The following IL27RA variants were observed in gnomAD, a reference collection of about 807,000 sequenced individuals.
IL27RA encodes the protein interleukin-27 receptor subunit alpha.
In IL27RA, 61 loss-of-function variants were observed where a neutral mutation model predicts 80.8. The observed-to-expected ratio is 0.76, with a 90% CI of 0.61 to 0.93. The LOEUF is 0.93. IL27RA is among the 40% of genes least tolerant of loss of function. The pLI is 0.00. For missense variants in IL27RA, 735 were observed against 808.1 expected (o/e 0.91, Z 1.10); for synonymous variants, 316 against 332.5 (o/e 0.95, Z 0.54).
Position 14,039,866 on chromosome 19 carries a change from T to G in IL27RA, c.490T>G (p.Cys164Gly). Reference protein sequence around the residue: ...PTWPSHKVLICQFHYRRCQEA... With the variant: ...PTWPSHKVLIGQFHYRRCQEA... ...ATGGCCATCTCATAAAGTTCTGATC[T>G]GCCAGTTCCACTACCGAAGATGTCA... is the stretch of plus-strand genomic sequence containing the variant. Residue 164 changes from cysteine to glycine, a missense_variant, in exon 4 of 14, where the codon TGC becomes GGC. Transcript: ENST00000263379. 1 of 1,614,152 alleles carries G rather than the reference T, an allele frequency of 6.2e-7. No individual in the cohort carries two copies. The highest frequency in any genetic ancestry group is 8.5e-7 in the Non-Finnish European group (1 of 1,180,032).
In IL27RA at chr19:14,031,788, C is replaced by A; in HGVS notation, c.-85C>A. The A allele has an allele frequency of 8.6e-7, 1 of 1,162,846 alleles. No homozygotes were observed. 72.0% of individuals were successfully genotyped at this position (1,162,846 alleles called of 1,614,324 possible). On this transcript the variant is annotated 5_prime_UTR_variant, in exon 1 of 14. Coordinates refer to ENST00000263379, the MANE Select transcript of IL27RA (RefSeq NM_004843.4). ...TTCGGCTTCCCGTTGCCGCCTCGGG[C>A]GCTGTACCCAGAGCTCGAAGAGGAG...
chr19:14,032,367 C>A lies in IL27RA; in HGVS notation c.101-19C>A. 1.9e-6 allele frequency: 3 copies of A among 1,596,896 alleles called. No individual in the cohort carries two copies. Among genetic ancestry groups the A allele is most frequent in the Non-Finnish European group, 2.6e-6 (3 of 1,166,174 alleles). On this transcript the variant is annotated intron_variant, in intron 1 of 13. Coordinates refer to ENST00000263379, the MANE Select transcript of IL27RA (RefSeq NM_004843.4). The stretch of plus-strand genomic sequence containing the variant: ...GGGATTCGACCCCCTTTCCTGAGAC[C>A]CTCTGACTCCCTCTCCAGGCAGCGC...
Position 14,049,288 on chromosome 19 carries a change from G to A in IL27RA, c.1376G>A (p.Gly459Glu), listed in dbSNP as rs1480962396. The A allele has an allele frequency of 1.2e-6, 2 of 1,613,836 alleles. No homozygotes were observed. Among genetic ancestry groups the A allele is most frequent in the Non-Finnish European group, 1.7e-6 (2 of 1,179,974 alleles). The change falls in exon 10 of 14, where the codon GGA (glycine) becomes GAA (glutamate). Residue 459 changes from glycine to glutamate, a missense_variant. Coordinates refer to ENST00000263379, the MANE Select transcript of IL27RA (RefSeq NM_004843.4). ...LTHYTLCAQSGTSPSVCMNVS... is the reference protein window; with the variant it reads ...LTHYTLCAQSETSPSVCMNVS... ...CACTACACCTTGTGTGCACAGAGTG[G>A]AACCAGCCCCTCCGTCTGCATGAAT... is the stretch of plus-strand genomic sequence containing the variant.
At chr19:14,036,212 C>G (rs1334006184) in intron 2 of IL27RA, among the ~76,000 whole-genome samples, 1 of 151,870 alleles carries the variant, frequency 6.6e-6, no homozygotes, top group African/African-American at 2.4e-5. Context: ...CTAGGGTAGT[C>G]TCAAACTCCT....
At chr19:14,042,892 A>G (rs928012599) in intron 6 of IL27RA, 103 bp downstream of exon 6, 10 of 1,063,110 alleles carry the variant, frequency 9.4e-6, no homozygotes, top group Non-Finnish European at 1.3e-5. Context: ...TAATCCCAAC[A>G]CTGCTGTGGG....
intron 11 of IL27RA, 38 bp downstream of exon 11, chr19:14,050,921 T>C (rs1222754236): frequency 4.4e-6 from 7 of 1,584,594 alleles, no homozygotes; most frequent in Admixed American, 1.7e-5. Flanking sequence ...AGGGAGGGGA[T>C]GTACTCCACA....
At chr19:14,034,795 A>G (rs1030770873) in intron 2 of IL27RA, among the ~76,000 whole-genome samples, 4 of 151,666 alleles carry the variant, frequency 2.6e-5, no homozygotes, top group Non-Finnish European at 5.9e-5. Flanking sequence ...TACTAAAAAT[A>G]CAAAAAAATT....
intron 2 of IL27RA, among the ~76,000 whole-genome samples, chr19:14,037,831 TCTC>T (rs1362432824): frequency 7.2e-6 from 1 of 139,014 alleles, no homozygotes; most frequent in African/African-American, 2.6e-5. Flanking sequence ...TCGCTCTCTC[TCTC>T]TTTTTTTTTT....
intron 10 of IL27RA, 35 bp downstream of exon 10, chr19:14,049,349 C>T: frequency 1.3e-6 from 2 of 1,582,582 alleles, no homozygotes; most frequent in South Asian, 1.1e-5. Flanking sequence ...GTCCTCCCAG[C>T]CCCCACAAGA....
chr19:14,052,228 T>G lies in IL27RA; in HGVS notation c.1849T>G (p.Phe617Val). 1 of 1,592,554 alleles carries G rather than the reference T, an allele frequency of 6.3e-7. No individual in the cohort carries two copies. Among genetic ancestry groups the G allele is most frequent in the Non-Finnish European group, 8.5e-7 (1 of 1,169,906 alleles). ...GCTTGACTCTGGGTATGAGAAGCAC[T>G]TCCTGCCCACACCTGAGGAGCTGGG... ...APLDSGYEKHFLPTPEELGLL... is the reference protein window; with the variant it reads ...APLDSGYEKHVLPTPEELGLL... The change falls in exon 14 of 14, where the codon TTC (phenylalanine) becomes GTC (valine). Residue 617 changes from phenylalanine to valine, a missense_variant. Physicochemically the swap from Phe to Val is conservative, Grantham distance 50. Transcript: ENST00000263379.
At chr19:14,040,618 C>T (rs867517391) in intron 4 of IL27RA, among the ~76,000 whole-genome samples, 2 of 151,796 alleles carry the variant, frequency 1.3e-5, no homozygotes, top group African/African-American at 2.4e-5. Context: ...GTCAGGAGTT[C>T]GGGACCAGCC....
At chr19:14,044,050 C>CAAAAAA (rs111909254) in intron 6 of IL27RA, among the ~76,000 whole-genome samples, 10 of 85,150 alleles carry the variant, frequency 1.2e-4, no homozygotes, top group South Asian at 3.4e-4. Flanking sequence ...CTCTGTCTCA[C>CAAAAAA]AAAAAAAAAA....
rs191732617 is a variant in IL27RA, at chr19:14,051,997, G to A, written c.1716+24G>A. The A allele has an allele frequency of 4.0e-4, 627 of 1,573,158 alleles. 2 individuals carry two copies. In the African/African-American group the frequency reaches 7.5e-3, roughly 19 times the overall value. On this transcript the variant is annotated intron_variant, in intron 13 of 13. Transcript: ENST00000263379. ...AGGTGAGTCAAAGGGCCGGCTAGTCGGAGCCCTCTGGGGGACTGGGGAGTC... is the reference window on the plus strand; with the variant it reads ...AGGTGAGTCAAAGGGCCGGCTAGTCAGAGCCCTCTGGGGGACTGGGGAGTC...
rs375467369 is a variant in IL27RA, at chr19:14,041,280, C to T, written c.535-1173C>T. On this transcript the variant is annotated intron_variant, in intron 4 of 13. Coordinates refer to ENST00000263379, the MANE Select transcript of IL27RA (RefSeq NM_004843.4). ...TGGTGCCATCTCAACTCACTGCAACCTCCACCTCTCAGGTTCAAGTGATTC... is the reference window on the plus strand; with the variant it reads ...TGGTGCCATCTCAACTCACTGCAACTTCCACCTCTCAGGTTCAAGTGATTC... Among the ~76,000 whole-genome samples, 3 of 152,194 alleles carry T rather than the reference C, an allele frequency of 2.0e-5. No homozygotes were observed. The East Asian group carries it at 5.8e-4, about 29-fold the overall frequency.
rs1406575054 is a variant in IL27RA, at chr19:14,052,248, G to A, written c.1869G>A (p.Glu623=). The change falls in exon 14 of 14, where the codon GAG becomes GAA. Residue 623 remains glutamate, a synonymous_variant. Coordinates refer to ENST00000263379, the MANE Select transcript of IL27RA (RefSeq NM_004843.4). ...AGCACTTCCTGCCCACACCTGAGGA[G>A]CTGGGCCTTCTGGGGCCCCCCAGGC... ...YEKHFLPTPE[E]LGLLGPPRPQ... is the part of the protein sequence containing the mutation. 2 of 1,557,750 alleles carry A rather than the reference G, an allele frequency of 1.3e-6. No homozygotes were observed. The highest frequency in any genetic ancestry group is 1.7e-6 in the Non-Finnish European group (2 of 1,154,802).
intron 2 of IL27RA, among the ~76,000 whole-genome samples, chr19:14,038,100 G>A (rs1975932843): frequency 6.6e-6 from 1 of 151,872 alleles, no homozygotes; most frequent in African/African-American, 2.4e-5. Context: ...AAAGTGCTAG[G>A]ATTACAGGCG....
intron 2 of IL27RA, among the ~76,000 whole-genome samples, chr19:14,035,915 G>A (rs1422682669): frequency 6.6e-6 from 1 of 151,746 alleles, no homozygotes; most frequent in Non-Finnish European, 1.5e-5. Flanking sequence ...CCAGTAGTTG[G>A]AATTACAGGA....
intron 1 of IL27RA, 79 bp from the exon 2 acceptor site, chr19:14,032,307 G>T: frequency 9.0e-7 from 1 of 1,114,696 alleles, no homozygotes; most frequent in South Asian, 1.4e-5. Flanking sequence ...GCAATTGTCA[G>T]AAGTCCAAGT....
At chr19:14,035,124 G>C (rs1333014504) in intron 2 of IL27RA, among the ~76,000 whole-genome samples, 2 of 151,162 alleles carry the variant, frequency 1.3e-5, no homozygotes, top group Non-Finnish European at 2.9e-5. Context: ...CAAGTAGCTG[G>C]GACTACAGGC....
Sources: gnomAD v4.1 joint callset for allele counts (sites outside exome capture counted in the v4.1 genomes callset) on GRCh38, gnomAD v4.1.1 for gene constraint, MANE v1.5 for transcripts, NCBI Gene and HGNC (gene_info 2026-07-23, HGNC 2026-07-21) for gene names.